The following EMP1 variants were observed in gnomAD, a reference collection of about 807,000 sequenced individuals.
The protein encoded by EMP1 is tumor-associated membrane protein.
In EMP1, 5 loss-of-function variants were observed where a neutral mutation model predicts 15.7. The ratio of observed to expected loss-of-function variants is 0.32; its 90% CI spans 0.17 to 0.67. The LOEUF is 0.67. EMP1 is among the 30% of genes least tolerant of loss of function. EMP1 has a pLI of 0.74. For synonymous variants in EMP1, 78 were observed against 76.7 expected (o/e 1.02, Z -0.09); for missense variants, 166 against 194.2 (o/e 0.85, Z 0.86).
At chr12:13,205,544 G>A (rs1352299377) in intron 1 of EMP1, among the ~76,000 whole-genome samples, 2 of 152,088 alleles carry the variant, frequency 1.3e-5, no homozygotes, top group African/African-American at 2.4e-5. Flanking sequence ...TTATTATGAA[G>A]TCTTCAGTCA....
Position 13,214,713 on chromosome 12 carries a change from T to C in EMP1, c.*22T>C, listed in dbSNP as rs113417656. 7,815 of 1,567,904 alleles carry C rather than the reference T, an allele frequency of 5.0e-3. 323 individuals are homozygous for C. In the African/African-American group the frequency reaches 0.097, roughly 19 times the overall value. On this transcript the variant is annotated 3_prime_UTR_variant, in exon 5 of 5. Transcript: ENST00000256951. ...ATAAGGCCGGACGAGTTCATGGGGA[T>C]CTGGGGGGTGGGGAGGAGGAAGCCG...
rs1864216801 is a variant in EMP1, at chr12:13,216,493, C to T, written c.*1802C>T. The T allele has an allele frequency of 1.4e-6, 1 of 699,910 alleles. No individual in the cohort carries two copies. Among genetic ancestry groups the T allele is most frequent in the Non-Finnish European group, 2.6e-6 (1 of 383,896 alleles). The allele number at this position is 699,910 out of a possible 1,614,324, so 43.4% of individuals were successfully genotyped here. A position where few individuals can be genotyped will look rare whatever the true frequency, so the allele number is the denominator to read the frequency against. On this transcript the variant is annotated 3_prime_UTR_variant, in exon 5 of 5. Coordinates refer to ENST00000256951, the MANE Select transcript of EMP1 (RefSeq NM_001423.3). Reference sequence around the variant, plus strand: ...TTATCACATGATTATAGAAGGCTGTCTTAGTGCAAAAAACATACTTACATT... The same window carrying T: ...TTATCACATGATTATAGAAGGCTGTTTTAGTGCAAAAAACATACTTACATT...
Position 13,218,805 on chromosome 12 carries a change from A to G in EMP1, c.*4114A>G, listed in dbSNP as rs865966468. 1 of 152,238 alleles carries G rather than the reference A, an allele frequency of 6.6e-6. No individual in the cohort carries two copies. The highest frequency in any genetic ancestry group is 2.4e-5 in the African/African-American group (1 of 41,442). The allele number at this position is 152,238 out of a possible 1,614,324, so 9.4% of individuals were successfully genotyped here. ...TGGGGAAATAGAAAATGAAGCAGACATGTGTCCCATCTTCTTCCAGCTTTC... is the reference window on the plus strand; with the variant it reads ...TGGGGAAATAGAAAATGAAGCAGACGTGTGTCCCATCTTCTTCCAGCTTTC... On this transcript the variant is annotated 3_prime_UTR_variant, in exon 5 of 5. Coordinates refer to ENST00000256951, the MANE Select transcript of EMP1 (RefSeq NM_001423.3).
At chr12:13,200,909 A>C (rs1357367748) in intron 1 of EMP1, among the ~76,000 whole-genome samples, 2 of 152,206 alleles carry the variant, frequency 1.3e-5, no homozygotes, top group East Asian at 3.8e-4. Flanking sequence ...TGTTTCATGA[A>C]TTGTTTCTTC....
At chr12:13,212,524 G>A (rs556158071) in intron 2 of EMP1, among the ~76,000 whole-genome samples, 6 of 152,212 alleles carry the variant, frequency 3.9e-5, no homozygotes, top group Non-Finnish European at 7.3e-5. Flanking sequence ...CCCCGCCCAC[G>A]TGACCTCCTT....
intron 1 of EMP1, among the ~76,000 whole-genome samples, chr12:13,203,271 T>C (rs1418350830): frequency 6.6e-6 from 1 of 152,220 alleles, no homozygotes; most frequent in African/African-American, 2.4e-5. Context: ...ACATTCTGGC[T>C]GCCAGAACAC....
intron 4 of EMP1, chr12:13,214,256 A>G: frequency 1.7e-6 from 1 of 596,810 alleles, no homozygotes; most frequent in Non-Finnish European, 3.0e-6. Context: ...CAAGGGCCAG[A>G]CAGGACAGCT....
chr12:13,204,241 C>G (rs1419244493), intron 1 of EMP1, among the ~76,000 whole-genome samples: 1 of 152,068 alleles, frequency 6.6e-6, no homozygotes, highest in Admixed American at 6.5e-5. Context: ...CCATGTTTCC[C>G]ACGGAGAAAT....
At chr12:13,213,926 T>C in intron 4 of EMP1, 105 bp downstream of exon 4, 1 of 1,501,896 alleles carries the variant, frequency 6.7e-7, no homozygotes, top group Non-Finnish European at 9.2e-7. Flanking sequence ...TGAAACTTCC[T>C]TGTGCAATTT....
In EMP1 at chr12:13,216,567, A is replaced by AAC. The variant is rs1864217769; in HGVS notation, c.*1876_*1877insAC. On this transcript the variant is annotated 3_prime_UTR_variant, in exon 5 of 5. Coordinates refer to ENST00000256951, the MANE Select transcript of EMP1 (RefSeq NM_001423.3). ...TCACATTTTGTTAAGAAGTTGAACTATGACTGGAGTAAACCATGTATTCCC... is the reference window on the plus strand; with the variant it reads ...TCACATTTTGTTAAGAAGTTGAACTAACTGACTGGAGTAAACCATGTATTCCC... The AAC allele has an allele frequency of 6.0e-6, 4 of 666,102 alleles. No homozygotes were observed. Among genetic ancestry groups the AAC allele is most frequent in the Non-Finnish European group, 1.1e-5 (4 of 368,236 alleles). The allele number at this position is 666,102 out of a possible 1,614,324, so 41.3% of individuals were successfully genotyped here. A position where few individuals can be genotyped will look rare whatever the true frequency, so the allele number is the denominator to read the frequency against.
At chr12:13,199,981 T>G (rs1864049905) in intron 1 of EMP1, among the ~76,000 whole-genome samples, 1 of 150,486 alleles carries the variant, frequency 6.6e-6, no homozygotes, top group African/African-American at 2.4e-5. Context: ...TTTTTTTTTT[T>G]GCCTAAGGCT....
chr12:13,201,646 C>A (rs563372376), intron 1 of EMP1, among the ~76,000 whole-genome samples: 1 of 152,184 alleles, frequency 6.6e-6, no homozygotes, highest in South Asian at 2.1e-4. Context: ...CTCCTCTGCC[C>A]CATCCACTCA....
chr12:13,201,762 C>G (rs979047727), intron 1 of EMP1, among the ~76,000 whole-genome samples: 1 of 152,134 alleles, frequency 6.6e-6, no homozygotes, highest in African/African-American at 2.4e-5. Context: ...GTAAAGGGTG[C>G]CAGCTCAGAT....
intron 1 of EMP1, among the ~76,000 whole-genome samples, chr12:13,203,745 C>T (rs1262809964): frequency 6.6e-6 from 1 of 152,222 alleles, no homozygotes; most frequent in Admixed American, 6.5e-5. Flanking sequence ...AGGATTGGAG[C>T]TGAGAATCCC....
intron 1 of EMP1, among the ~76,000 whole-genome samples, chr12:13,207,968 A>C (rs555378508): frequency 1.3e-5 from 2 of 152,314 alleles, no homozygotes; most frequent in African/African-American, 4.8e-5. Flanking sequence ...TCTTGCTTCA[A>C]AGTATTCAGA....
Position 13,213,730 on chromosome 12 carries a change from T to C in EMP1, c.225T>C (p.Cys75=), listed in dbSNP as rs1864187909. The change falls in exon 4 of 5, where the codon TGT becomes TGC. Residue 75 remains cysteine (C), a synonymous_variant. Transcript: ENST00000256951. ...TCATGATTCTCTCTATCATCTTCTG[T>C]GTCATTGCCCTCCTGGTCTTCGTGT... ...QAFMILSIIF[C]VIALLVFVFQ... 3.1e-6 allele frequency: 5 copies of C among 1,614,216 alleles called. No individual in the cohort carries two copies. The highest frequency in any genetic ancestry group is 4.2e-6 in the Non-Finnish European group (5 of 1,180,038).
chr12:13,201,589 T>C (rs2121144994), intron 1 of EMP1, among the ~76,000 whole-genome samples: 2 of 152,238 alleles, frequency 1.3e-5, no homozygotes, highest in East Asian at 3.9e-4. Context: ...AAAAGGGCAT[T>C]TTGCAGAGGA....
In EMP1 at chr12:13,211,644, T is replaced by A. The variant is rs2121159569; in HGVS notation, c.78+56T>A. 11 of 1,596,798 alleles carry A rather than the reference T, an allele frequency of 6.9e-6. No homozygotes were observed. The highest frequency in any genetic ancestry group is 4.5e-5 in the East Asian group (2 of 44,792). On this transcript the variant is annotated intron_variant, in intron 2 of 4. Transcript: ENST00000256951. The surrounding 1 kb of genome is among the most constrained non-coding windows in gnomAD (Gnocchi z 4.7). ...TTGAGAAATCATTCGAATATTTACA[T>A]CAAGTGCACAAAAGAAGTTTAAGCC... is the stretch of plus-strand genomic sequence containing the variant.
Position 13,211,490 on chromosome 12 carries a change from AC to A in EMP1, c.-19del, listed in dbSNP as rs756198161. 2 of 1,608,046 alleles carry A rather than the reference AC, an allele frequency of 1.2e-6. No homozygotes were observed. Among genetic ancestry groups the A allele is most frequent in the Non-Finnish European group, 1.7e-6 (2 of 1,177,130 alleles). ...TCAGAACTCTCTTTGCTCACAAGTT[AC>A]CAAAAAAAAAAGAGCCAACATGTTG... On this transcript the variant is annotated 5_prime_UTR_variant, in exon 2 of 5. Coordinates refer to ENST00000256951, the MANE Select transcript of EMP1 (RefSeq NM_001423.3). The surrounding 1 kb of genome is among the most constrained non-coding windows in gnomAD (Gnocchi z 4.7).
Sources: allele counts gnomAD v4.1 joint callset (sites outside exome capture counted in the v4.1 genomes callset), GRCh38; gene constraint gnomAD v4.1.1; non-coding constraint Gnocchi (gnomAD v3.1); transcripts MANE v1.5; gene names NCBI Gene and HGNC (gene_info 2026-07-23, HGNC 2026-07-21).